The following E2F5 variants were observed in gnomAD, a reference collection of about 807,000 sequenced individuals.
E2F5 encodes the protein E2F transcription factor 5.
A neutral mutation model predicts 39.1 loss-of-function variants in E2F5; 23 were observed. The observed-to-expected ratio is 0.59, with a 90% CI of 0.42 to 0.83. E2F5 has a LOEUF of 0.83. E2F5 is among the 40% of genes least tolerant of loss of function. The pLI, the probability that E2F5 is intolerant of heterozygous loss-of-function variation, is 0.00. For synonymous variants in E2F5, 145 were observed against 157.8 expected (o/e 0.92, Z 0.61); for missense variants, 365 against 406.7 (o/e 0.90, Z 0.88).
intron 1 of E2F5, among the ~76,000 whole-genome samples, chr8:85,199,144 C>T (rs1812640300): frequency 6.6e-6 from 1 of 152,050 alleles, no homozygotes; most frequent in Non-Finnish European, 1.5e-5. Flanking sequence ...GTCTCCTTTC[C>T]TGTCTTTATC....
At chr8:85,210,661 G>A (rs1463578045) in intron 6 of E2F5, among the ~76,000 whole-genome samples, 1 of 149,394 alleles carries the variant, frequency 6.7e-6, no homozygotes, top group African/African-American at 2.5e-5. Context: ...GGGCGACAGA[G>A]TAAGACTCCA....
At chr8:85,180,487 T>C (rs1487588019) in intron 1 of E2F5, among the ~76,000 whole-genome samples, 12 of 139,480 alleles carry the variant, frequency 8.6e-5, no homozygotes, top group Non-Finnish European at 1.5e-4. Flanking sequence ...CACTTGACTT[T>C]TAAACGCAGT....
At chr8:85,189,028 T>C (rs879808130) in intron 1 of E2F5, among the ~76,000 whole-genome samples, 1 of 152,178 alleles carries the variant, frequency 6.6e-6, no homozygotes, top group Non-Finnish European at 1.5e-5. Context: ...TGGGGAAAAT[T>C]GCTGAAGCGT....
At chr8:85,180,421 TCTTA>T (rs1372536393) in intron 1 of E2F5, among the ~76,000 whole-genome samples, 1 of 150,978 alleles carries the variant, frequency 6.6e-6, no homozygotes, top group Admixed American at 6.6e-5. Context: ...TCTCTTGTAT[TCTTA>T]CTTTGGTGGG....
At chr8:85,213,707 G>C (rs1313091712) in intron 7 of E2F5, 46 bp from the exon 8 acceptor site, 2 of 974,384 alleles carry the variant, frequency 2.1e-6, no homozygotes, top group African/African-American at 3.2e-5. Context: ...ATCATTAACC[G>C]TATGTAGAAA....
intron 1 of E2F5, among the ~76,000 whole-genome samples, chr8:85,199,361 C>A (rs1812644452): frequency 3.3e-5 from 5 of 152,148 alleles, no homozygotes. Context: ...CCCTGAAAAT[C>A]CTATTTGATA....
intron 1 of E2F5, chr8:85,178,296 T>G (rs986832695): frequency 1.3e-5 from 2 of 152,178 alleles, no homozygotes; most frequent in Admixed American, 6.5e-5. Flanking sequence ...TCATTTGGCA[T>G]GTGTCATGGG....
intron 5 of E2F5, among the ~76,000 whole-genome samples, chr8:85,208,185 G>A (rs1047753287): frequency 4.0e-5 from 6 of 151,874 alleles, no homozygotes; most frequent in Admixed American, 6.6e-5. Flanking sequence ...AAAATTAGCC[G>A]GGCATGGTGG....
In E2F5 at chr8:85,213,795, A is replaced by T. The variant is rs779834479; in HGVS notation, c.974A>T (p.Tyr325Phe). The T allele has an allele frequency of 2.7e-5, 44 of 1,613,266 alleles. No individual in the cohort carries two copies. Among genetic ancestry groups the T allele is most frequent in the Middle Eastern group, 1.6e-4 (1 of 6,072 alleles). ...LRLSPTPADD[Y>F]NFNLDDNEGV... ...CTTTCTCCTACCCCGGCAGATGACT[A>T]CAACTTTAATTTAGATGATAACGAA... The change falls in exon 8 of 8, where the codon TAC becomes TTC. Residue 325 changes from tyrosine (Y) to phenylalanine (F), a missense_variant. Transcript: ENST00000416274.
chr8:85,177,252 A>G lies in E2F5; in HGVS notation c.-169A>G. 1 of 474,048 alleles carries G rather than the reference A, an allele frequency of 2.1e-6. No homozygotes were observed. The highest frequency in any genetic ancestry group is 2.8e-6 in the Non-Finnish European group (1 of 362,190). The allele number at this position is 474,048 out of a possible 1,614,324, so 29.4% of individuals were successfully genotyped here. A position where few individuals can be genotyped will look rare whatever the true frequency, so the allele number is the denominator to read the frequency against. ...GGAGGCCCGGCGTGACAAGCGGCCC[A>G]GACTCCCGTGGGCGCCGCACACCTG... On this transcript the variant is annotated 5_prime_UTR_variant, in exon 1 of 8. Transcript: ENST00000416274.
At chr8:85,212,071 A>G (rs928723467) in intron 6 of E2F5, 86 bp from the exon 7 acceptor site, 9 of 1,036,288 alleles carry the variant, frequency 8.7e-6, no homozygotes, top group Admixed American at 2.0e-5. Flanking sequence ...CATGTCAGTC[A>G]AGCTGCTGCT....
At position 85,209,410 on chromosome 8, in the gene E2F5, G is replaced by C; in HGVS notation, c.883+1G>C. 6.2e-7 allele frequency: 1 copy of C among 1,602,096 alleles called. No homozygotes were observed. Among genetic ancestry groups the C allele is most frequent in the Non-Finnish European group, 8.5e-7 (1 of 1,173,808 alleles). ...ACATCAGCTACAGATATATCTTCAG[G>C]TGGGTTCAGAGCCTTTCTTTTGTAA... On this transcript the variant is annotated splice_donor_variant, in intron 6 of 7. Coordinates refer to ENST00000416274, the MANE Select transcript of E2F5 (RefSeq NM_001951.4). LOFTEE classifies it high-confidence loss of function.
At chr8:85,187,831 A>G (rs1812374840) in intron 1 of E2F5, 1 of 151,994 alleles carries the variant, frequency 6.6e-6, no homozygotes, top group African/African-American at 2.4e-5. Flanking sequence ...GTTGTTTTCT[A>G]GTTGTTTTGT....
At chr8:85,196,940 A>T (rs1257347427) in intron 1 of E2F5, among the ~76,000 whole-genome samples, 1 of 152,228 alleles carries the variant, frequency 6.6e-6, no homozygotes, top group Non-Finnish European at 1.5e-5. Context: ...ATCAACATAA[A>T]GTACCATGTG....
intron 6 of E2F5, among the ~76,000 whole-genome samples, chr8:85,210,172 G>C (rs757249374): frequency 1.3e-5 from 2 of 152,188 alleles, no homozygotes; most frequent in African/African-American, 2.4e-5. Flanking sequence ...TCATATTGCA[G>C]ATAATTTAAA....
At chr8:85,177,738 C>A in intron 1 of E2F5, 84 bp downstream of exon 1, 1 of 1,156,714 alleles carries the variant, frequency 8.6e-7, no homozygotes, top group Non-Finnish European at 1.1e-6. Context: ...GTGGGTCTAG[C>A]GGCGTGGTGT....
Position 85,207,481 on chromosome 8 carries a change from C to A in E2F5, c.607C>A (p.Pro203Thr), listed in dbSNP as rs1344742116. Residue 203 changes from proline (P) to threonine (T), a missense_variant, in exon 5 of 8, where the codon CCA (proline) becomes ACA (threonine). Pro to Thr is a conservative substitution (Grantham distance 38). Transcript: ENST00000416274. ...TGGTACACAACTGGAGGTACCCATT[C>A]CAGAAATGGTATGTAGGATAACTTA... ...PSGTQLEVPI[P>T]EMGQNGQKKY... 2.6e-6 allele frequency: 4 copies of A among 1,558,156 alleles called. No homozygotes were observed. The East Asian group carries it at 9.5e-5, about 37-fold the overall frequency.
intron 1 of E2F5, among the ~76,000 whole-genome samples, chr8:85,199,798 C>T (rs1254550134): frequency 1.3e-5 from 2 of 152,148 alleles, no homozygotes; most frequent in Non-Finnish European, 2.9e-5. Context: ...TAAGATTATC[C>T]AGTTTAATTC....
At chr8:85,209,086 A>G (rs1435967163) in intron 5 of E2F5, 56 bp from the exon 6 acceptor site, 1 of 1,557,972 alleles carries the variant, frequency 6.4e-7, no homozygotes, top group South Asian at 1.2e-5. Flanking sequence ...GTACTGTCTT[A>G]AGTTAGCTAG....
Sources: allele counts gnomAD v4.1 joint callset (sites outside exome capture counted in the v4.1 genomes callset), GRCh38; gene constraint gnomAD v4.1.1; transcripts MANE v1.5; gene names NCBI Gene and HGNC (gene_info 2026-07-23, HGNC 2026-07-21).